Variants in DOCK7 observed in about 807,000 individuals in gnomAD.
DOCK7 encodes dedicator of cytokinesis protein 7.
In DOCK7, 138 loss-of-function variants were observed where a neutral mutation model predicts 271.0. That is an observed-to-expected ratio of 0.51 (90% CI 0.44 to 0.59). DOCK7 has a LOEUF of 0.59. Ranked by LOEUF, DOCK7 falls within the 20% of genes least tolerant of loss-of-function variation. The pLI, the probability that DOCK7 is intolerant of heterozygous loss-of-function variation, is 0.00. For missense variants in DOCK7, 2,066 were observed against 2,592.4 expected, an observed-to-expected ratio of 0.80 and a Z score of 4.41; for synonymous variants, 823 against 876.1, an observed-to-expected ratio of 0.94 and a Z score of 1.07.
intron 14 of DOCK7, among the ~76,000 whole-genome samples, chr1:62,587,251 CTGCCAACACACAGA>C (rs1647675639): frequency 1.4e-5 from 2 of 146,038 alleles, no homozygotes; most frequent in African/African-American, 5.1e-5. Context: ...ATAGTCCTTG[CTGCCAACACACAGA>C]AGAGAAATAA....
At chr1:62,562,070 T>C (rs948296377) in intron 18 of DOCK7, among the ~76,000 whole-genome samples, 3 of 151,552 alleles carry the variant, frequency 2.0e-5, no homozygotes, top group African/African-American at 7.3e-5. Context: ...TTGAAATCTG[T>C]TTTTCATTTA....
intron 1 of DOCK7, among the ~76,000 whole-genome samples, chr1:62,665,197 C>T (rs1033595213): frequency 1.6e-4 from 25 of 152,070 alleles, no homozygotes; most frequent in African/African-American, 5.8e-4. Context: ...CCATGTTGAC[C>T]AGGCTGGTCT....
chr1:62,651,076 A>G (rs1317926413), intron 4 of DOCK7, among the ~76,000 whole-genome samples: 1 of 152,056 alleles, frequency 6.6e-6, no homozygotes, highest in Non-Finnish European at 1.5e-5. Flanking sequence ...CTGGATTAAG[A>G]AAATGTGGCA....
chr1:62,520,395 A>G (rs1644810323), intron 31 of DOCK7, among the ~76,000 whole-genome samples: 2 of 152,226 alleles, frequency 1.3e-5, no homozygotes, highest in African/African-American at 4.8e-5. Context: ...GAACTCAAAC[A>G]AATTTACAAG....
chr1:62,681,563 CA>C (rs1352950207), intron 1 of DOCK7, among the ~76,000 whole-genome samples: 187 of 136,540 alleles, frequency 1.4e-3, no homozygotes, highest in South Asian at 2.1e-3. Flanking sequence ...AATAAAAATA[CA>C]AAAAAAAAAA....
intron 1 of DOCK7, 38 bp from the exon 2 acceptor site, chr1:62,663,168 A>G: frequency 6.8e-7 from 1 of 1,478,808 alleles, no homozygotes; most frequent in Non-Finnish European, 9.2e-7. Context: ...CATTATTGAA[A>G]AAAAAAAAAA....
At chr1:62,568,112 C>A (rs1349383387) in intron 18 of DOCK7, among the ~76,000 whole-genome samples, 1 of 151,912 alleles carries the variant, frequency 6.6e-6, no homozygotes, top group Non-Finnish European at 1.5e-5. Flanking sequence ...CAAAACCACA[C>A]AACTACACGG....
chr1:62,486,195 C>G (rs959389082), intron 43 of DOCK7: 2 of 152,006 alleles, frequency 1.3e-5, no homozygotes, highest in Non-Finnish European at 2.9e-5. Flanking sequence ...AGTATTGATA[C>G]AGTCATATAC....
intron 17 of DOCK7, among the ~76,000 whole-genome samples, chr1:62,577,790 G>C (rs1646981959): frequency 6.6e-6 from 1 of 152,180 alleles, no homozygotes; most frequent in African/African-American, 2.4e-5. Context: ...GTCACAAACT[G>C]CAAGAGACAA....
intron 1 of DOCK7, among the ~76,000 whole-genome samples, chr1:62,668,151 T>C (rs1557883575): frequency 6.6e-6 from 1 of 152,226 alleles, no homozygotes; most frequent in Admixed American, 6.5e-5. Context: ...AACCTTTACA[T>C]CTAACTTCCA....
intron 9 of DOCK7, 49 bp from the exon 10 acceptor site, chr1:62,633,627 T>G (rs1366735934): frequency 1.5e-6 from 2 of 1,338,814 alleles, no homozygotes; most frequent in South Asian, 2.4e-5. Context: ...AGCCTGAAAT[T>G]CAAGGATGGT....
chr1:62,652,842 T>C, intron 4 of DOCK7, among the ~76,000 whole-genome samples: 1 of 152,176 alleles, frequency 6.6e-6, no homozygotes, highest in East Asian at 1.9e-4. Context: ...AAAACAGCTC[T>C]TCTATATAAA....
Position 62,688,331 on chromosome 1 carries a change from G to GCCTCCTCGCTCGTGCTC in DOCK7, c.-84_-68dup, listed in dbSNP as rs1553209726. On this transcript the variant is annotated 5_prime_UTR_variant, in exon 1 of 50. Coordinates refer to ENST00000635253, the MANE Select transcript of DOCK7 (RefSeq NM_001367561.1). ...GCCGGGTGCGGACCGGCGGGCGCGT[G>GCCTCCTCGCTCGTGCTC]CCTCCTCGCTCGTGCTCCCTCCCTC... 10 of 1,076,728 alleles carry GCCTCCTCGCTCGTGCTC rather than the reference G, an allele frequency of 9.3e-6. No homozygotes were observed. The highest frequency in any genetic ancestry group is 9.2e-5 in the Admixed American group (2 of 21,644). 66.7% of individuals were successfully genotyped at this position (1,076,728 alleles called of 1,614,324 possible).
rs1046673763 is a variant in DOCK7 at position 62,475,243 on chromosome 1, C to T, written c.6070G>A (p.Val2024Ile). 1 of 1,613,916 alleles carries T rather than the reference C, an allele frequency of 6.2e-7. No individual in the cohort carries two copies. Among genetic ancestry groups the T allele is most frequent in the Non-Finnish European group, 8.5e-7 (1 of 1,179,912 alleles). ...GTGGTGCCTACAGATCCCTGGAGTA[C>T]CATCTGAAGCATTTTGGGGTCTGCG... ...DPADPKMLQM[V>I]LQGSVGTTVN... The change falls in exon 47 of 50, where the codon GTA becomes ATA. Residue 2024 changes from valine to isoleucine, a missense_variant. This residue lies in a region of DOCK7 where 652 missense variants were observed against 922.1 expected (regional missense o/e 0.71). Transcript: ENST00000635253.
At chr1:62,643,055 C>A (rs1571879576) in intron 7 of DOCK7, among the ~76,000 whole-genome samples, 2 of 152,232 alleles carry the variant, frequency 1.3e-5, no homozygotes, top group East Asian at 3.9e-4. Flanking sequence ...TTTCTGAAAA[C>A]CCTTCCACCA....
At chr1:62,568,930 A>T (rs75449136) in intron 18 of DOCK7, among the ~76,000 whole-genome samples, 1 of 152,130 alleles carries the variant, frequency 6.6e-6, no homozygotes, top group Non-Finnish European at 1.5e-5. Flanking sequence ...ACCCCACAGA[A>T]ATACAAACGA....
chr1:62,463,949 A>G (rs1645601801), intron 48 of DOCK7, among the ~76,000 whole-genome samples: 1 of 152,246 alleles, frequency 6.6e-6, no homozygotes, highest in Non-Finnish European at 1.5e-5. Flanking sequence ...CAAATGTTAT[A>G]AATATTATTT....
At chr1:62,528,342 T>C (rs763555171) in intron 30 of DOCK7, 37 bp from the exon 31 acceptor site, 2 of 1,556,262 alleles carry the variant, frequency 1.3e-6, no homozygotes, top group Admixed American at 3.7e-5. Context: ...AATAAAACTG[T>C]TTAGCTGAAC....
At chr1:62,505,653 G>T in intron 36 of DOCK7, 29 bp downstream of exon 36, 1 of 1,583,048 alleles carries the variant, frequency 6.3e-7, no homozygotes, top group South Asian at 1.2e-5. Flanking sequence ...AACAAAGTCT[G>T]ACAACACTGC....
Sources: allele counts gnomAD v4.1 joint callset (sites outside exome capture counted in the v4.1 genomes callset), GRCh38; gene constraint gnomAD v4.1.1; regional missense constraint gnomAD v4.1.1; transcripts MANE v1.5; gene names NCBI Gene and HGNC (gene_info 2026-07-23, HGNC 2026-07-21).